TP63: variants seen among roughly 807,000 people sequenced by gnomAD.
TP63 encodes the protein tumor protein p63.
TP63 carries 17 observed loss-of-function variants against 82.8 expected under a neutral mutation model. The ratio of observed to expected loss-of-function variants is 0.21; its 90% confidence interval spans 0.14 to 0.31. The LOEUF is 0.31. Among genes scored for constraint, TP63 ranks in the 10% least tolerant of loss-of-function variants. The pLI is 1.00. For missense variants in TP63, 648 were observed against 895.3 expected (o/e 0.72, Z 3.52); for synonymous variants, 330 against 321.7 (o/e 1.03, Z -0.28).
chr3:189,624,946 C>G, the TP63 span, among the ~76,000 whole-genome samples: 1 of 152,118 alleles, frequency 6.6e-6, no homozygotes, highest in Admixed American at 6.6e-5. Flanking sequence ...ATTAGTGTAT[C>G]CTCTCAAACC....
Position 189,644,098 on chromosome 3 carries a change from A to G in TP63, c.62+12521A>G, listed in dbSNP as rs78508090. ...TGCCTTTTCAGCTCAAGAAGCTCCCATTTCCACTTCAGGTACCAATCCACA... is the reference window on the plus strand; with the variant it reads ...TGCCTTTTCAGCTCAAGAAGCTCCCGTTTCCACTTCAGGTACCAATCCACA... On this transcript the variant is annotated intron_variant, in intron 1 of 13. Transcript: ENST00000264731. 2.7e-3 allele frequency among the ~76,000 whole-genome samples: 412 copies of G among 152,120 alleles called. 1 individual carries two copies. Among genetic ancestry groups the G allele is most frequent in the African/African-American group, 9.6e-3 (398 of 41,488 alleles).
intron 1 of TP63, among the ~76,000 whole-genome samples, chr3:189,632,637 G>A (rs1021866061): frequency 1.3e-5 from 2 of 152,008 alleles, no homozygotes; most frequent in African/African-American, 2.4e-5. Flanking sequence ...AAAAGAAAAG[G>A]GTGAAAAAAG....
At chr3:189,720,014 GT>G (rs1719261585) in intron 1 of TP63, among the ~76,000 whole-genome samples, 1 of 152,108 alleles carries the variant, frequency 6.6e-6, no homozygotes, top group Admixed American at 6.6e-5. Flanking sequence ...AGTTTTCACT[GT>G]TTACTCTTCT....
At chr3:189,603,059 G>A in the TP63 span, among the ~76,000 whole-genome samples, 1,992 of 152,214 alleles carry the variant, frequency 0.013, 47 homozygotes, top group African/African-American at 0.045. Context: ...ATGAGAGAAC[G>A]TCTAATGCAA....
chr3:189,817,174 A>T (rs1001755056), intron 4 of TP63, among the ~76,000 whole-genome samples: 12 of 152,266 alleles, frequency 7.9e-5, no homozygotes, highest in African/African-American at 2.6e-4. Context: ...GTTTTGCTTC[A>T]TGTGCTGTTC....
chr3:189,672,599 C>T (rs1167950802), intron 1 of TP63, among the ~76,000 whole-genome samples: 4 of 129,538 alleles, frequency 3.1e-5, no homozygotes, highest in African/African-American at 8.7e-5. Context: ...AAGAACCTGT[C>T]ACAAATAAAG....
At chr3:189,857,955 A>C (rs574830620) in intron 4 of TP63, among the ~76,000 whole-genome samples, 1 of 152,210 alleles carries the variant, frequency 6.6e-6, no homozygotes, top group African/African-American at 2.4e-5. Flanking sequence ...TATAACTACC[A>C]TGTGATCCAG....
At chr3:189,828,114 G>A (rs748717944) in intron 4 of TP63, among the ~76,000 whole-genome samples, 7 of 151,994 alleles carry the variant, frequency 4.6e-5, no homozygotes, top group Non-Finnish European at 8.8e-5. Flanking sequence ...GGTGGTGGGC[G>A]CCTGTAGTCC....
chr3:189,872,115 A>G (rs953114025), intron 9 of TP63, among the ~76,000 whole-genome samples: 2 of 152,190 alleles, frequency 1.3e-5, no homozygotes, highest in African/African-American at 4.8e-5. Flanking sequence ...TTATCCTATC[A>G]AACATAGTTA....
In TP63 at chr3:189,868,081, C is replaced by T. The variant is rs150800121; in HGVS notation, c.992+139C>T. On this transcript the variant is annotated intron_variant, in intron 7 of 13. Transcript: ENST00000264731. ...TTGTGCTCTAAATCCTTGCTACAAA[C>T]GGTTACATAAAAGATCTAAGAAAGT... 269 of 765,156 alleles carry T rather than the reference C, an allele frequency of 3.5e-4. 1 individual carries two copies. The African/African-American group carries it at 3.7e-3, about 10-fold the overall frequency. The allele number at this position is 765,156 out of a possible 1,614,324, so 47.4% of individuals were successfully genotyped here. A position where few individuals can be genotyped will look rare whatever the true frequency, so the allele number is the denominator to read the frequency against.
chr3:189,738,561 A>T, intron 2 of TP63, 81 bp from the exon 3 acceptor site: 1 of 1,603,822 alleles, frequency 6.2e-7, no homozygotes. Flanking sequence ...TGAAGCAGAA[A>T]ATGCTTGTTG....
intron 1 of TP63, among the ~76,000 whole-genome samples, chr3:189,710,529 G>C (rs547405617): frequency 6.6e-6 from 1 of 151,990 alleles, no homozygotes; most frequent in East Asian, 1.9e-4. Flanking sequence ...TACTGCTTTA[G>C]TTGCAGTTTT....
At chr3:189,821,183 A>G (rs1728759276) in intron 4 of TP63, among the ~76,000 whole-genome samples, 1 of 152,226 alleles carries the variant, frequency 6.6e-6, no homozygotes. Context: ...TTTGGTAGCT[A>G]GTGCTGTGAT....
chr3:189,841,940 T>C (rs1461254859), intron 4 of TP63, among the ~76,000 whole-genome samples: 1 of 152,134 alleles, frequency 6.6e-6, no homozygotes. Flanking sequence ...CGCTGAGCTC[T>C]AGGTAGGGCT....
At chr3:189,788,237 A>C (rs1466545111) in intron 3 of TP63, among the ~76,000 whole-genome samples, 1 of 152,040 alleles carries the variant, frequency 6.6e-6, no homozygotes, top group Non-Finnish European at 1.5e-5. Flanking sequence ...TGCATACTCA[A>C]GATCAAATTA....
chr3:189,877,791 G>A lies in TP63; in HGVS notation c.1349+4796G>A, dbSNP rs767631146. Among the ~76,000 whole-genome samples the A allele has an allele frequency of 6.6e-5, 10 of 152,286 alleles. 1 individual carries two copies. The South Asian group carries it at 2.1e-3, about 32-fold the overall frequency. On this transcript the variant is annotated intron_variant, in intron 10 of 13. Transcript: ENST00000264731. ...ACTAGAATCAGATTTAGAACATAGA[G>A]CTCTTTGTAATGTTGTGTTCTGCTA...
In TP63 at chr3:189,661,981, G is replaced by A. The variant is rs373297548; in HGVS notation, c.62+30404G>A. 2.6e-4 allele frequency among the ~76,000 whole-genome samples: 39 copies of A among 152,080 alleles called. 1 individual carries two copies. Among genetic ancestry groups the A allele is most frequent in the East Asian group, 2.5e-3 (13 of 5,176 alleles). On this transcript the variant is annotated intron_variant, in intron 1 of 13. Coordinates refer to ENST00000264731, the MANE Select transcript of TP63 (RefSeq NM_003722.5). ...TTTTTTCTTTGTTAATCTAGCTAGAGTCTATCAATATTGTTTATCCTTTCA... is the reference window on the plus strand; with the variant it reads ...TTTTTTCTTTGTTAATCTAGCTAGAATCTATCAATATTGTTTATCCTTTCA...
chr3:189,817,238 A>T (rs1201339293), intron 4 of TP63, among the ~76,000 whole-genome samples: 1 of 152,148 alleles, frequency 6.6e-6, no homozygotes, highest in Non-Finnish European at 1.5e-5. Context: ...TAAGTTGAGG[A>T]GACTATTTCT....
At chr3:189,631,676 T>G (rs1158483832) in intron 1 of TP63, 99 bp downstream of exon 1, 1 of 1,602,240 alleles carries the variant, frequency 6.2e-7, no homozygotes, top group African/African-American at 1.3e-5. Context: ...TCCTCCTTGT[T>G]TAGTCAGCAC....
Sources: gnomAD v4.1 joint callset for allele counts (sites outside exome capture counted in the v4.1 genomes callset) on GRCh38, gnomAD v4.1.1 for gene constraint, MANE v1.5 for transcripts, NCBI Gene and HGNC (gene_info 2026-07-23, HGNC 2026-07-21) for gene names.